Variants in RAB31 observed in about 807,000 individuals in gnomAD.
The protein encoded by RAB31 is RAB31, member RAS oncogene family, also known as ras-related protein Rab-31.
Under a neutral mutation model 25.6 loss-of-function variants are expected in RAB31, and 21 were observed. The observed-to-expected ratio is 0.82, with a 90% CI of 0.58 to 1.18. The LOEUF (loss-of-function observed/expected upper bound fraction) is 1.18, where lower values mean the gene tolerates loss of function less well. RAB31 is among the 50% of genes most tolerant of loss of function. RAB31 has a pLI of 0.00. For missense variants in RAB31, 196 were observed against 250.1 expected (o/e 0.78, Z 1.46); for synonymous variants, 87 against 84.0 (o/e 1.04, Z -0.20).
intron 6 of RAB31, among the ~76,000 whole-genome samples, chr18:9,848,669 T>A (rs2068773881): frequency 6.6e-6 from 1 of 152,224 alleles, no homozygotes; most frequent in Admixed American, 6.5e-5. Flanking sequence ...TGCTGACACC[T>A]AGGCTCCCCA....
intron 2 of RAB31, among the ~76,000 whole-genome samples, chr18:9,777,212 G>A (rs1315325419): frequency 6.6e-6 from 1 of 152,078 alleles, no homozygotes; most frequent in African/African-American, 2.4e-5. Context: ...GTGGTGGCAC[G>A]CGCCTATAGT....
chr18:9,779,324 C>G (rs1326498875), intron 2 of RAB31, among the ~76,000 whole-genome samples: 1 of 152,162 alleles, frequency 6.6e-6, no homozygotes, highest in East Asian at 1.9e-4. Flanking sequence ...GCTCTTCAAT[C>G]CCGTATTCTT....
chr18:9,824,672 T>G (rs557497827), intron 5 of RAB31, among the ~76,000 whole-genome samples: 7 of 152,244 alleles, frequency 4.6e-5, no homozygotes, highest in African/African-American at 4.8e-5. Context: ...TCTTCTTGCA[T>G]GTTCCAGAAG....
At chr18:9,816,260 A>G (rs1240346459) in intron 5 of RAB31, 1 of 179,942 alleles carries the variant, frequency 5.6e-6, no homozygotes, top group African/African-American at 2.3e-5. Flanking sequence ...TGATTCAACC[A>G]GAGAAGAAAT....
At chr18:9,775,418 CTCTG>C (rs2068367268) in intron 2 of RAB31, 61 bp downstream of exon 2, 10 of 1,603,940 alleles carry the variant, frequency 6.2e-6, no homozygotes, top group East Asian at 4.5e-5. Context: ...AGAATGACCA[CTCTG>C]TCTGTGCCTG....
intron 2 of RAB31, among the ~76,000 whole-genome samples, chr18:9,775,601 C>T (rs1396228896): frequency 6.6e-6 from 1 of 151,934 alleles, no homozygotes; most frequent in Non-Finnish European, 1.5e-5. Flanking sequence ...AGGTCATTTC[C>T]TTGATCTCTG....
At chr18:9,786,606 G>C (rs1239263180) in intron 2 of RAB31, among the ~76,000 whole-genome samples, 3 of 152,174 alleles carry the variant, frequency 2.0e-5, no homozygotes, top group Non-Finnish European at 4.4e-5. Flanking sequence ...AGGACACCTA[G>C]CTGGTATCTG....
At chr18:9,793,475 A>T (rs1426846515) in intron 3 of RAB31, among the ~76,000 whole-genome samples, 1 of 152,124 alleles carries the variant, frequency 6.6e-6, no homozygotes, top group Non-Finnish European at 1.5e-5. Context: ...ATCCTGGCTA[A>T]CACAGTGAAA....
At position 9,823,521 on chromosome 18, in the gene RAB31, G is replaced by A. The variant is rs892369329; in HGVS notation, c.380+8299G>A. Among the ~76,000 whole-genome samples the A allele has an allele frequency of 5.9e-5, 9 of 152,140 alleles. No homozygotes were observed. In the East Asian group the frequency reaches 1.5e-3, roughly 26 times the overall value. ...ATGTGACCATTTAGGGAAACTGGGC[G>A]AAGTGTATGAGAAATCGCTTGGTAC... On this transcript the variant is annotated intron_variant, in intron 5 of 6. Coordinates refer to ENST00000578921, the MANE Select transcript of RAB31 (RefSeq NM_006868.4).
At chr18:9,842,364 C>T (rs964307278) in intron 5 of RAB31, among the ~76,000 whole-genome samples, 4 of 152,282 alleles carry the variant, frequency 2.6e-5, no homozygotes, top group Admixed American at 6.5e-5. Context: ...TAGGGCCACA[C>T]GCTATCAAAC....
intron 1 of RAB31, among the ~76,000 whole-genome samples, chr18:9,767,645 G>A (rs1021511101): frequency 5.9e-5 from 9 of 152,188 alleles, no homozygotes; most frequent in African/African-American, 2.2e-4. Flanking sequence ...GATTACTGAT[G>A]TCTGCCATGA....
At position 9,792,176 on chromosome 18, in the gene RAB31, G is replaced by C; in HGVS notation, c.142G>C (p.Val48Leu). Reference sequence around the variant, plus strand: ...CAGGGCATCTTTTATGACCAAAACTGTGCCTTGTGGAAATGAACTTCACAA... The same window carrying C: ...CAGGGCATCTTTTATGACCAAAACTCTGCCTTGTGGAAATGAACTTCACAA... Reference protein sequence around the residue: ...TIGASFMTKTVPCGNELHKFL... With the variant: ...TIGASFMTKTLPCGNELHKFL... Residue 48 changes from valine to leucine, a missense_variant, in exon 3 of 7, where the codon GTG (valine) becomes CTG (leucine). Coordinates refer to ENST00000578921, the MANE Select transcript of RAB31 (RefSeq NM_006868.4). 1.2e-6 allele frequency: 2 copies of C among 1,612,018 alleles called. No homozygotes were observed. Among genetic ancestry groups the C allele is most frequent in the Non-Finnish European group, 1.7e-6 (2 of 1,178,994 alleles).
In RAB31 at chr18:9,750,082, G is replaced by A. The variant is rs532775865; in HGVS notation, c.40-25196G>A. Among the ~76,000 whole-genome samples, 7 of 152,294 alleles carry A rather than the reference G, an allele frequency of 4.6e-5. 1 individual carries two copies. The South Asian group carries it at 1.2e-3, about 27-fold the overall frequency. On this transcript the variant is annotated intron_variant, in intron 1 of 6. Transcript: ENST00000578921. ...CAGGCTTCCCTTGAACAGGCCGAAA[G>A]GTACAGGGTGAGTCTATTTTGTGAC...
At chr18:9,844,361 T>C (rs541572530) in intron 5 of RAB31, among the ~76,000 whole-genome samples, 83 of 152,302 alleles carry the variant, frequency 5.4e-4, no homozygotes, top group Non-Finnish European at 9.8e-4. Context: ...CGGGAATGTG[T>C]GCACTCTCCT....
At chr18:9,720,730 T>C (rs1464964920) in intron 1 of RAB31, among the ~76,000 whole-genome samples, 4 of 151,910 alleles carry the variant, frequency 2.6e-5, no homozygotes, top group African/African-American at 7.3e-5. Context: ...TGTATTACTT[T>C]GTGTAATTTC....
rs1392006421 is a variant in RAB31, at chr18:9,724,381, T to A, written c.39+15937T>A. Among the ~76,000 whole-genome samples, 7 of 152,170 alleles carry A rather than the reference T, an allele frequency of 4.6e-5. No homozygotes were observed. In the East Asian group the frequency reaches 1.3e-3, roughly 29 times the overall value. On this transcript the variant is annotated intron_variant, in intron 1 of 6. Coordinates refer to ENST00000578921, the MANE Select transcript of RAB31 (RefSeq NM_006868.4). ...TAATGAGAATTGCATGACTGGACAC[T>A]TCATTTGCATCAGCGCTTTGCTTCT...
intron 3 of RAB31, among the ~76,000 whole-genome samples, chr18:9,805,540 G>A (rs940492322): frequency 6.6e-6 from 1 of 152,146 alleles, no homozygotes; most frequent in African/African-American, 2.4e-5. Flanking sequence ...AGGAATGCAA[G>A]ATAATGTCCT....
Position 9,859,428 on chromosome 18 carries a change from A to T in RAB31, c.*103A>T. 1 of 981,614 alleles carries T rather than the reference A, an allele frequency of 1.0e-6. No homozygotes were observed. The highest frequency in any genetic ancestry group is 2.4e-5 in the Admixed American group (1 of 41,496). The allele number at this position is 981,614 out of a possible 1,614,324, so 60.8% of individuals were successfully genotyped here. A position where few individuals can be genotyped will look rare whatever the true frequency, so the allele number is the denominator to read the frequency against. ...TGGCCTGGCACCTCACTTTGAGAAG[A>T]GTGAGCACACTGGCTTTGCATCCTG... On this transcript the variant is annotated 3_prime_UTR_variant, in exon 7 of 7. Coordinates refer to ENST00000578921, the MANE Select transcript of RAB31 (RefSeq NM_006868.4).
chr18:9,846,212 G>A (rs1033515700), intron 6 of RAB31, among the ~76,000 whole-genome samples: 1 of 152,212 alleles, frequency 6.6e-6, no homozygotes, highest in Admixed American at 6.5e-5. Context: ...ATTAGGGAGG[G>A]TGACAGCCTC....
Sources: allele counts gnomAD v4.1 joint callset (sites outside exome capture counted in the v4.1 genomes callset), GRCh38; gene constraint gnomAD v4.1.1; transcripts MANE v1.5; gene names NCBI Gene and HGNC (gene_info 2026-07-23, HGNC 2026-07-21).